Variants in SLC5A6 observed in about 807,000 individuals in gnomAD.
The protein encoded by SLC5A6 is solute carrier family 5 member 6, also known as sodium-dependent multivitamin transporter.
In SLC5A6, 31 loss-of-function variants were observed where a neutral mutation model predicts 67.9. The observed-to-expected ratio is 0.46, with a 90% CI of 0.34 to 0.62. SLC5A6 has a LOEUF of 0.62. Among genes scored for constraint, SLC5A6 ranks in the 20% least tolerant of loss-of-function variants. The pLI is 0.01. For missense variants in SLC5A6, 673 were observed against 812.8 expected (o/e 0.83, Z 2.09); for synonymous variants, 343 against 331.0 (o/e 1.04, Z -0.39).
chr2:27,204,171 G>C (rs1673873564), intron 9 of SLC5A6, among the ~76,000 whole-genome samples: 1 of 152,204 alleles, frequency 6.6e-6, no homozygotes, highest in Admixed American at 6.5e-5. Flanking sequence ...GAGGCTGTTA[G>C]AGGCTTAGGT....
Position 27,207,632 on chromosome 2 carries a change from T to A in SLC5A6, c.19A>T (p.Thr7Ser), listed in dbSNP as rs1378627374. The A allele has an allele frequency of 3.1e-6, 5 of 1,613,570 alleles. No individual in the cohort carries two copies. The highest frequency in any genetic ancestry group is 4.2e-6 in the Non-Finnish European group (5 of 1,179,758). MSVGVSTSAPLSPTSGT... is the reference protein window; with the variant it reads MSVGVSSSAPLSPTSGT... ...GAGGTTGGGGAAAGAGGGGCTGAGG[T>A]GCTCACCCCTACACTCATATCCTCA... Residue 7 changes from threonine (T) to serine (S), a missense_variant, in exon 3 of 17, where the codon ACC becomes TCC. Coordinates refer to ENST00000310574, the MANE Select transcript of SLC5A6 (RefSeq NM_021095.4). This position sits in a 1 kb window ranked among gnomAD's most constrained non-coding sequence, Gnocchi z 5.5.
In SLC5A6 at chr2:27,207,570, C is replaced by G. The variant is rs765123012; in HGVS notation, c.81G>C (p.Met27Ile). Residue 27 changes from methionine (M) to isoleucine (I), a missense_variant, in exon 3 of 17, where the codon ATG becomes ATC. Coordinates refer to ENST00000310574, the MANE Select transcript of SLC5A6 (RefSeq NM_021095.4). This position sits in a 1 kb window ranked among gnomAD's most constrained non-coding sequence, Gnocchi z 5.5. Reference protein sequence around the residue: ...TSVGMSTFSIMDYVVFVLLLV... With the variant: ...TSVGMSTFSIIDYVVFVLLLV... ...GCAGCAGGACGAACACCACATAGTCCATGATGGAGAAGGTAGACATGCCCA... is the reference window on the plus strand; with the variant it reads ...GCAGCAGGACGAACACCACATAGTCGATGATGGAGAAGGTAGACATGCCCA... 6.2e-6 allele frequency: 10 copies of G among 1,614,238 alleles called. No individual in the cohort carries two copies. In the East Asian group the frequency reaches 1.8e-4, roughly 29 times the overall value.
At position 27,211,966 on chromosome 2, in the gene SLC5A6, CCCCGCCCCCTG is replaced by C. The variant is rs564906282; in HGVS notation, c.-208+43_-208+53del. The C allele has an allele frequency of 8.6e-3, 4,073 of 475,748 alleles. 92 individuals are homozygous for C. The highest frequency in any genetic ancestry group is 0.053 in the African/African-American group (2,554 of 47,858). The allele number at this position is 475,748 out of a possible 1,614,324, so 29.5% of individuals were successfully genotyped here. A position where few individuals can be genotyped will look rare whatever the true frequency, so the allele number is the denominator to read the frequency against. On this transcript the variant is annotated intron_variant, in intron 1 of 16. Transcript: ENST00000310574. ...AGCCCTGGCCGGGAGCCCGCGGGGG[CCCCGCCCCCTG>C]CCCGCCCCCTGCCCGCCCCGCTCGC...
At chr2:27,206,365 G>T in intron 5 of SLC5A6, 118 bp downstream of exon 5, 1 of 976,828 alleles carries the variant, frequency 1.0e-6, no homozygotes, top group Middle Eastern at 2.1e-4. Flanking sequence ...CCCAAGCGGT[G>T]AATTAATTCC....
intron 10 of SLC5A6, 32 bp downstream of exon 10, chr2:27,203,747 C>T (rs765531208): frequency 2.0e-5 from 31 of 1,541,974 alleles, no homozygotes; most frequent in Non-Finnish European, 2.7e-5. Flanking sequence ...GTCAGGTGCA[C>T]CAGGCCTGAG....
Position 27,206,470 on chromosome 2 carries a change from T to A in SLC5A6, c.511+13A>T. ...TACCACGGCTGAAAGCCAGGGGCTG[T>A]GTGACTCCTCACCTGCATTGAGAGC... is the stretch of plus-strand genomic sequence containing the variant. On this transcript the variant is annotated intron_variant, in intron 5 of 16. Coordinates refer to ENST00000310574, the MANE Select transcript of SLC5A6 (RefSeq NM_021095.4). 1 of 1,613,636 alleles carries A rather than the reference T, an allele frequency of 6.2e-7. No homozygotes were observed. Among genetic ancestry groups the A allele is most frequent in the Non-Finnish European group, 8.5e-7 (1 of 1,179,578 alleles).
In SLC5A6 at chr2:27,204,597, A is replaced by C. The variant is rs764541635; in HGVS notation, c.876-7T>G. 1 of 1,613,808 alleles carries C rather than the reference A, an allele frequency of 6.2e-7. No homozygotes were observed. Among genetic ancestry groups the C allele is most frequent in the Non-Finnish European group, 8.5e-7 (1 of 1,179,816 alleles). ...GAACACTGCATAACAGGAGCTGCAA[A>C]AGAGGTCAGTGCCAGGAGGAGAGCC... On this transcript the variant is annotated splice_region_variant and splice_polypyrimidine_tract_variant and intron_variant, in intron 8 of 16. Transcript: ENST00000310574.
intron 10 of SLC5A6, 138 bp downstream of exon 10, chr2:27,203,641 G>C: frequency 1.4e-6 from 1 of 700,420 alleles, no homozygotes; most frequent in East Asian, 2.7e-5. Context: ...GCTATCCCTT[G>C]TCATGCACAC....
Position 27,200,477 on chromosome 2 carries a change from CCT to C in SLC5A6, c.1865_1866del (p.Gln622ArgfsTer51), listed in dbSNP as rs774193816. 5.0e-5 allele frequency: 81 copies of C among 1,613,862 alleles called. No homozygotes were observed. Among genetic ancestry groups the C allele is most frequent in the African/African-American group, 6.7e-5 (5 of 74,888 alleles). On this transcript the variant is annotated frameshift_variant, in exon 17 of 17. Coordinates refer to ENST00000310574, the MANE Select transcript of SLC5A6 (RefSeq NM_021095.4). LOFTEE classifies it high-confidence loss of function. The stretch of plus-strand genomic sequence containing the variant: ...TGGAGGATGCAGGTGGAGCTGCTCC[CCT>C]GATAGGCTGTGCCATCCAGGGCCAT... ...EAMALDGTAY[Q>X]GSSSTCILQE...
At chr2:27,203,071 G>A (rs1002205024) in intron 11 of SLC5A6, 162 bp downstream of exon 11, 10 of 1,493,662 alleles carry the variant, frequency 6.7e-6, no homozygotes, top group Non-Finnish European at 8.9e-6. Context: ...CCTAGGACAT[G>A]CCCTGAGATG....
At chr2:27,210,428 A>AC (rs66898483) in intron 2 of SLC5A6, among the ~76,000 whole-genome samples, 22,959 of 136,660 alleles carry the variant, frequency 0.17, 1,847 homozygotes, top group African/African-American at 0.24. Flanking sequence ...AGATTGTGGG[A>AC]CCCCCCCCCC....
rs1357641418 is a variant in SLC5A6, at chr2:27,206,230, GA to G, written c.512-138del. On this transcript the variant is annotated intron_variant, in intron 5 of 16. Coordinates refer to ENST00000310574, the MANE Select transcript of SLC5A6 (RefSeq NM_021095.4). ...GAAATAAATCATTCACCACAACGGA[GA>G]AAAATGTTTGCAGAGCTCCACCAAA... 5 of 806,732 alleles carry G rather than the reference GA, an allele frequency of 6.2e-6. No individual in the cohort carries two copies. The Admixed American group carries it at 9.2e-5, about 15-fold the overall frequency. 50.0% of individuals were successfully genotyped at this position (806,732 alleles called of 1,614,324 possible). A position where few individuals can be genotyped will look rare whatever the true frequency, so the allele number is the denominator to read the frequency against.
intron 7 of SLC5A6, 141 bp from the exon 8 acceptor site, chr2:27,205,072 T>G (rs1673953384): frequency 1.0e-6 from 1 of 983,294 alleles, no homozygotes; most frequent in African/African-American, 1.6e-5. Context: ...AGAAGCTGGG[T>G]GCACTCGAGA....
chr2:27,201,830 C>A lies in SLC5A6; in HGVS notation c.1380G>T (p.Leu460=). Residue 460 remains leucine, a synonymous_variant, in exon 14 of 17, where the codon CTG becomes CTT. Transcript: ENST00000310574. ...CANPPGAVVG[L]LAGLVMAFWI... ...AGAAGGCCATGACGAGCCCAGCCAA[C>A]AGGCCCACAACAGCACCCTGCCGAG... The A allele has an allele frequency of 6.2e-7, 1 of 1,614,152 alleles. No individual in the cohort carries two copies. The highest frequency in any genetic ancestry group is 8.5e-7 in the Non-Finnish European group (1 of 1,179,990).
At chr2:27,206,743 C>T in intron 4 of SLC5A6, 134 bp downstream of exon 4, 1 of 903,682 alleles carries the variant, frequency 1.1e-6, no homozygotes, top group Non-Finnish European at 1.9e-6. Context: ...CTGGGGTCCT[C>T]ACAGATGCTA....
intron 6 of SLC5A6, 85 bp downstream of exon 6, chr2:27,205,941 G>T: frequency 2.9e-6 from 3 of 1,022,746 alleles, no homozygotes; most frequent in Non-Finnish European, 4.6e-6. Flanking sequence ...TATATTCTCA[G>T]CTTATCTCTT....
Position 27,212,136 on chromosome 2 carries a change from G to A in SLC5A6, c.-324C>T. The A allele has an allele frequency of 6.6e-7, 1 of 1,517,156 alleles. No homozygotes were observed. The highest frequency in any genetic ancestry group is 8.8e-7 in the Non-Finnish European group (1 of 1,136,026). 94.0% of individuals were successfully genotyped at this position (1,517,156 alleles called of 1,614,324 possible). On this transcript the variant is annotated 5_prime_UTR_variant, in exon 1 of 17. Coordinates refer to ENST00000310574, the MANE Select transcript of SLC5A6 (RefSeq NM_021095.4). ...CTCCGGGAAGCCGCGCGGCGACGGG[G>A]GAGGCCTTCACTAAAGGGGAAAAGG...
chr2:27,207,450 G>C lies in SLC5A6; in HGVS notation c.201C>G (p.Gly67=), dbSNP rs1262728937. Residue 67 remains glycine (G), a synonymous_variant, in exon 3 of 17, where the codon GGC becomes GGG. Transcript: ENST00000310574. The surrounding 1 kb of genome is among the most constrained non-coding windows in gnomAD (Gnocchi z 5.5). The part of the protein sequence containing the change: ...GELLMADRKM[G]CLPVALSLLA... The stretch of plus-strand genomic sequence containing the variant: ...GCAGGGACAGTGCCACCGGAAGGCA[G>C]CCCATTTTGCGGTCCGCCATCAGCA... The C allele has an allele frequency of 6.2e-7, 1 of 1,614,214 alleles. No homozygotes were observed. The highest frequency in any genetic ancestry group is 1.1e-5 in the South Asian group (1 of 91,086).
At chr2:27,206,201 C>T (rs2148010282) in intron 5 of SLC5A6, 108 bp from the exon 6 acceptor site, 1 of 953,440 alleles carries the variant, frequency 1.0e-6, no homozygotes. Context: ...TGGTCATTAA[C>T]AATGAAATAA....
Sources: allele counts gnomAD v4.1 joint callset (sites outside exome capture counted in the v4.1 genomes callset), GRCh38; gene constraint gnomAD v4.1.1; non-coding constraint Gnocchi (gnomAD v3.1); transcripts MANE v1.5; gene names NCBI Gene and HGNC (gene_info 2026-07-23, HGNC 2026-07-21).